Variants in PRTG observed in about 807,000 individuals in gnomAD.
PRTG encodes the protein immunoglobulin superfamily, DCC subclass, member 5.
A neutral mutation model predicts 122.5 loss-of-function variants in PRTG; 67 were observed. The ratio of observed to expected loss-of-function variants is 0.55; its 90% CI spans 0.45 to 0.67. The LOEUF (loss-of-function observed/expected upper bound fraction) is 0.67. Ranked by LOEUF, PRTG falls within the 30% of genes least tolerant of loss-of-function variation. The pLI is 0.00. For synonymous variants in PRTG, 554 were observed against 501.1 expected (o/e 1.11, Z -1.41); for missense variants, 1,435 against 1,415.4 (o/e 1.01, Z -0.22).
intron 2 of PRTG, among the ~76,000 whole-genome samples, chr15:55,705,524 G>A (rs1016576485): frequency 1.1e-4 from 17 of 152,262 alleles, no homozygotes; most frequent in African/African-American, 3.8e-4. Flanking sequence ...CGCGATCTCA[G>A]CTCACTACAG....
chr15:55,641,596 T>C (rs928279435), intron 11 of PRTG, among the ~76,000 whole-genome samples: 2 of 152,208 alleles, frequency 1.3e-5, no homozygotes, highest in Admixed American at 1.3e-4. Flanking sequence ...AGCAGTTATA[T>C]TTGAGGGCCG....
intron 2 of PRTG, among the ~76,000 whole-genome samples, chr15:55,735,488 C>G (rs979206958): frequency 1.3e-5 from 2 of 150,810 alleles, no homozygotes; most frequent in Non-Finnish European, 3.0e-5. Flanking sequence ...ATCAATAGAC[C>G]CAGCTGTTAA....
chr15:55,620,054 T>A lies in PRTG; in HGVS notation c.3411A>T (p.Ile1137=). The part of the protein sequence containing the change: ...GRFSHESNDE[I]HLSSVISTTP... ...TGGTACTTATAACTGAGGACAGATG[T>A]ATCTCATCGTTGGACTCATGAGAAA... The change falls in exon 20 of 20, where the codon ATA becomes ATT. Residue 1137 remains isoleucine (I), a synonymous_variant. Transcript: ENST00000389286. 4 of 1,614,170 alleles carry A rather than the reference T, an allele frequency of 2.5e-6. No individual in the cohort carries two copies. The highest frequency in any genetic ancestry group is 3.4e-6 in the Non-Finnish European group (4 of 1,180,030).
In PRTG at chr15:55,668,544, T is replaced by C. The variant is rs372025238; in HGVS notation, c.2041+3901A>G. Among the ~76,000 whole-genome samples the C allele has an allele frequency of 1.2e-4, 18 of 152,288 alleles. 1 individual carries two copies. In the East Asian group the frequency reaches 2.5e-3, roughly 21 times the overall value. On this transcript the variant is annotated intron_variant, in intron 11 of 19. Coordinates refer to ENST00000389286, the MANE Select transcript of PRTG (RefSeq NM_173814.6). ...ATCCTACTTACAACTGAGCTAAACA[T>C]TGAAAGTGCCTAGGGGAAAAAATCT...
At chr15:55,710,360 C>T (rs1420398648) in intron 2 of PRTG, among the ~76,000 whole-genome samples, 8 of 152,152 alleles carry the variant, frequency 5.3e-5, no homozygotes, top group East Asian at 1.9e-4. Flanking sequence ...TTTCATTATA[C>T]ACATACAATT....
intron 11 of PRTG, among the ~76,000 whole-genome samples, chr15:55,648,461 G>T (rs1415092776): frequency 6.6e-6 from 1 of 152,052 alleles, no homozygotes; most frequent in Admixed American, 6.6e-5. Context: ...AACCTACACT[G>T]AAACATATTT....
chr15:55,713,386 C>T (rs28637460), intron 2 of PRTG, among the ~76,000 whole-genome samples: 15,190 of 152,172 alleles, frequency 0.1, 915 homozygotes, highest in Middle Eastern at 0.19. Flanking sequence ...TAAGTTGTTT[C>T]CAACTTCCCT....
rs372700890 is a variant in PRTG, at chr15:55,628,816, A to G, written c.2806+6T>C. ...AAAATCACAGTGACTACGGCAGTAT[A>G]CAGACCTTTGGCATCAGCAGAATCT... is the stretch of plus-strand genomic sequence containing the variant. On this transcript the variant is annotated splice_donor_region_variant and intron_variant, in intron 16 of 19. Transcript: ENST00000389286. The G allele has an allele frequency of 1.1e-5, 18 of 1,611,070 alleles. No individual in the cohort carries two copies. The highest frequency in any genetic ancestry group is 2.7e-5 in the African/African-American group (2 of 74,758).
chr15:55,716,074 T>C (rs914586592), intron 2 of PRTG, among the ~76,000 whole-genome samples: 3 of 152,184 alleles, frequency 2.0e-5, no homozygotes, highest in Middle Eastern at 3.2e-3. Context: ...ACAAATGAAT[T>C]TGTGTTAACA....
intron 2 of PRTG, among the ~76,000 whole-genome samples, chr15:55,685,137 T>C (rs970646350): frequency 2.0e-5 from 3 of 152,184 alleles, no homozygotes; most frequent in African/African-American, 7.2e-5. Flanking sequence ...GTTTGAACTT[T>C]ATTATTTATA....
chr15:55,715,698 T>C (rs1366685408), intron 2 of PRTG, among the ~76,000 whole-genome samples: 1 of 152,138 alleles, frequency 6.6e-6, no homozygotes, highest in African/African-American at 2.4e-5. Flanking sequence ...AAACTAGAGT[T>C]CCGTAAGGAA....
rs59773365 is a variant in PRTG at position 55,612,697 on chromosome 15, A to AATATATATATATATATAT, written c.*7297_*7314dup. 8.3e-6 allele frequency: 1 copy of AATATATATATATATATAT among 120,748 alleles called. No homozygotes were observed. Among genetic ancestry groups the AATATATATATATATATAT allele is most frequent in the Non-Finnish European group, 1.6e-5 (1 of 63,858 alleles). 7.5% of individuals were successfully genotyped at this position (120,748 alleles called of 1,614,324 possible). On this transcript the variant is annotated 3_prime_UTR_variant, in exon 20 of 20. Coordinates refer to ENST00000389286, the MANE Select transcript of PRTG (RefSeq NM_173814.6). ...TTCTCTCTTTAACTCTTTAAAAGCC[A>AATATATATATATATATAT]ATATATATATATATATATATATATA... is the stretch of plus-strand genomic sequence containing the variant.
intron 11 of PRTG, among the ~76,000 whole-genome samples, chr15:55,657,803 T>C (rs1205569915): frequency 6.6e-6 from 1 of 152,210 alleles, no homozygotes; most frequent in Non-Finnish European, 1.5e-5. Flanking sequence ...TCTTTATTTA[T>C]CTTTGTCCCA....
rs138532811 is a variant in PRTG, at chr15:55,715,494, G to A, written c.397+24888C>T. The stretch of plus-strand genomic sequence containing the variant: ...CCTGAGCAGACGTGGGGCCTTGAGA[G>A]TATGTGAAGCATTTGCAAAAGTGAC... On this transcript the variant is annotated intron_variant, in intron 2 of 19. Transcript: ENST00000389286. 5.1e-3 allele frequency among the ~76,000 whole-genome samples: 777 copies of A among 152,326 alleles called. 2 individuals carry two copies. Among genetic ancestry groups the A allele is most frequent in the Middle Eastern group, 0.034 (10 of 294 alleles).
At chr15:55,738,019 TATATATACACAC>T (rs1567121720) in intron 2 of PRTG, among the ~76,000 whole-genome samples, 1 of 114,860 alleles carries the variant, frequency 8.7e-6, no homozygotes, top group African/African-American at 3.4e-5. Flanking sequence ...TATATATATA[TATATATACACAC>T]ACACACACAC....
At chr15:55,738,019 T>C (rs1297900243) in intron 2 of PRTG, among the ~76,000 whole-genome samples, 2,412 of 114,730 alleles carry the variant, frequency 0.021, 89 homozygotes, top group African/African-American at 0.074. Flanking sequence ...TATATATATA[T>C]ATATATACAC....
chr15:55,683,285 C>T (rs891415222), intron 3 of PRTG, among the ~76,000 whole-genome samples: 8 of 152,088 alleles, frequency 5.3e-5, no homozygotes, highest in African/African-American at 1.9e-4. Flanking sequence ...GGGCAGGAAT[C>T]AAACTTTTTG....
At chr15:55,665,191 T>A (rs912214784) in intron 11 of PRTG, among the ~76,000 whole-genome samples, 1 of 151,142 alleles carries the variant, frequency 6.6e-6, no homozygotes, top group East Asian at 2.0e-4. Context: ...ACCAGGGAGG[T>A]GGAGCTTGCA....
intron 15 of PRTG, among the ~76,000 whole-genome samples, chr15:55,631,026 T>A (rs930184013): frequency 1.3e-5 from 2 of 152,144 alleles, no homozygotes; most frequent in Admixed American, 1.3e-4. Context: ...ACGGAGGCCA[T>A]CTCTGCAGGT....
Sources: gnomAD v4.1 joint callset for allele counts (sites outside exome capture counted in the v4.1 genomes callset) on GRCh38, gnomAD v4.1.1 for gene constraint, MANE v1.5 for transcripts, NCBI Gene and HGNC (gene_info 2026-07-23, HGNC 2026-07-21) for gene names.